The following FITM2 variants were observed in gnomAD, a reference collection of about 807,000 sequenced individuals.
FITM2 encodes the protein acyl-coenzyme A diphosphatase FITM2.
FITM2 carries 16 observed loss-of-function variants against 23.3 expected under a neutral mutation model. The observed-to-expected ratio is 0.69, with a 90% CI of 0.47 to 1.05. The LOEUF (loss-of-function observed/expected upper bound fraction) is 1.05. Ranked by LOEUF, FITM2 falls within the 50% of genes least tolerant of loss-of-function variation. FITM2 has a pLI of 0.00. For synonymous variants in FITM2, 132 were observed against 142.0 expected (o/e 0.93, Z 0.50); for missense variants, 273 against 327.5 (o/e 0.83, Z 1.29).
In FITM2 at chr20:44,306,365, G is replaced by T. The variant is rs2062689526; in HGVS notation, c.*260C>A. 4.8e-6 allele frequency: 2 copies of T among 415,558 alleles called. No homozygotes were observed. 25.7% of individuals were successfully genotyped at this position (415,558 alleles called of 1,614,324 possible). ...TTAGGTCCCCACTCTAGGGACAAAA[G>T]GAGTGTTCCAGATAAAGGTCAAGTC... On this transcript the variant is annotated 3_prime_UTR_variant, in exon 2 of 2. Transcript: ENST00000396825.
rs1395231882 is a variant in FITM2, at chr20:44,306,143, G to C, written c.*482C>G. On this transcript the variant is annotated 3_prime_UTR_variant, in exon 2 of 2. Transcript: ENST00000396825. ...CAATCTCAGGTGATCCGCCTGCCTC[G>C]GCCTCCCAAAGTGCAGGGATTAGAG... The C allele has an allele frequency of 6.2e-6, 1 of 160,226 alleles. No individual in the cohort carries two copies. The highest frequency in any genetic ancestry group is 2.4e-5 in the African/African-American group (1 of 41,452). The allele number at this position is 160,226 out of a possible 1,614,324, so 9.9% of individuals were successfully genotyped here. A position where few individuals can be genotyped will look rare whatever the true frequency, so the allele number is the denominator to read the frequency against.
In FITM2 at chr20:44,310,923, G is replaced by C. The variant is rs551813456; in HGVS notation, c.173+53C>G. 8 of 1,497,912 alleles carry C rather than the reference G, an allele frequency of 5.3e-6. No homozygotes were observed. In the East Asian group the frequency reaches 2.0e-4, roughly 38 times the overall value. The allele number at this position is 1,497,912 out of a possible 1,614,324, so 92.8% of individuals were successfully genotyped here. Reference sequence around the variant, plus strand: ...AGCTAGCACCGGCTTCTCTGGGCGAGGCGACAGCGGGCCGGCTCGGGCGGG... The same window carrying C: ...AGCTAGCACCGGCTTCTCTGGGCGACGCGACAGCGGGCCGGCTCGGGCGGG... On this transcript the variant is annotated intron_variant, in intron 1 of 1. Transcript: ENST00000396825.
At chr20:44,310,797 G>A (rs2146092665) in intron 1 of FITM2, among the ~76,000 whole-genome samples, 179 bp downstream of exon 1, 1 of 152,350 alleles carries the variant, frequency 6.6e-6, no homozygotes, top group South Asian at 2.1e-4. Flanking sequence ...AACTGCTAGT[G>A]ACACCAGCTA....
chr20:44,303,884 A>ATT lies in FITM2; in HGVS notation c.*2740_*2741insAA, dbSNP rs2062683246. ...TCCCATCTCAGCCTCCCAAAGTGCT[A>ATT]GGATTACAGGTGTGAGCCACCATGC... On this transcript the variant is annotated 3_prime_UTR_variant, in exon 2 of 2. Transcript: ENST00000396825. The ATT allele has an allele frequency of 6.6e-6, 1 of 152,042 alleles. No homozygotes were observed. The highest frequency in any genetic ancestry group is 2.4e-5 in the African/African-American group (1 of 41,392). The allele number at this position is 152,042 out of a possible 1,614,324, so 9.4% of individuals were successfully genotyped here.
rs2062692509 is a variant in FITM2, at chr20:44,307,091, G to A, written c.323C>T (p.Thr108Ile). ...LVGTAIWYICTSIFSNIEHYT... is the reference protein window; with the variant it reads ...LVGTAIWYICISIFSNIEHYT... ...GTGTTCGATGTTGGAGAAGATGGAGGTGCAGATGTACCAGATGGCCGTGCC... is the reference window on the plus strand; with the variant it reads ...GTGTTCGATGTTGGAGAAGATGGAGATGCAGATGTACCAGATGGCCGTGCC... Residue 108 changes from threonine to isoleucine, a missense_variant, in exon 2 of 2, where the codon ACC becomes ATC. By Grantham distance (89) the Thr-to-Ile change is moderately conservative (BLOSUM62 -1). Around this residue, in one of 3 missense-constraint regions of FITM2, gnomAD observed 117 missense variants for 183.3 expected, o/e 0.64. Coordinates refer to ENST00000396825, the MANE Select transcript of FITM2 (RefSeq NM_001080472.4). 2 of 1,614,190 alleles carry A rather than the reference G, an allele frequency of 1.2e-6. No individual in the cohort carries two copies. Among genetic ancestry groups the A allele is most frequent in the Non-Finnish European group, 8.5e-7 (1 of 1,180,038 alleles).
At chr20:44,310,584 C>G (rs1024401550) in intron 1 of FITM2, among the ~76,000 whole-genome samples, 1 of 152,156 alleles carries the variant, frequency 6.6e-6, no homozygotes, top group Middle Eastern at 3.2e-3. Context: ...CTGCCACAGG[C>G]AGGCAGGACA....
rs950203159 is a variant in FITM2 at position 44,305,015 on chromosome 20, A to G, written c.*1610T>C. On this transcript the variant is annotated 3_prime_UTR_variant, in exon 2 of 2. Transcript: ENST00000396825. ...CAGGATTATAGGTGTGAGCCACTAC[A>G]CCTGGCCCAGGTTTCATTGCTAACA... 2 of 152,096 alleles carry G rather than the reference A, an allele frequency of 1.3e-5. No homozygotes were observed. Among genetic ancestry groups the G allele is most frequent in the African/African-American group, 4.8e-5 (2 of 41,412 alleles). The allele number at this position is 152,096 out of a possible 1,614,324, so 9.4% of individuals were successfully genotyped here.
In FITM2 at chr20:44,306,903, A is replaced by C. The variant is rs2062691612; in HGVS notation, c.511T>G (p.Ser171Ala). Residue 171 changes from serine to alanine, a missense_variant, in exon 2 of 2, where the codon TCT becomes GCT. Ser to Ala is a moderately conservative substitution (Grantham distance 99). Transcript: ENST00000396825. ...FCALMIVEEMSVLHEVKTDRS... is the reference protein window; with the variant it reads ...FCALMIVEEMAVLHEVKTDRS... ...TCCGTCTTCACCTCATGCAGCACAGACATCTCTTCTACAATCATGAGGGCG... is the reference window on the plus strand; with the variant it reads ...TCCGTCTTCACCTCATGCAGCACAGCCATCTCTTCTACAATCATGAGGGCG... The C allele has an allele frequency of 6.2e-7, 1 of 1,614,152 alleles. No individual in the cohort carries two copies. The highest frequency in any genetic ancestry group is 1.3e-5 in the African/African-American group (1 of 75,042).
intron 1 of FITM2, 138 bp from the exon 2 acceptor site, chr20:44,307,378 T>C: frequency 1.1e-6 from 1 of 942,260 alleles, no homozygotes; most frequent in Non-Finnish European, 1.6e-6. Flanking sequence ...AACTATCATG[T>C]TTTAGGTACT....
At chr20:44,307,394 T>C (rs1221415769) in intron 1 of FITM2, among the ~76,000 whole-genome samples, 154 bp from the exon 2 acceptor site, 1 of 152,214 alleles carries the variant, frequency 6.6e-6, no homozygotes, top group East Asian at 1.9e-4. Flanking sequence ...GTACTTACCA[T>C]ATACTTCACT....
intron 1 of FITM2, 96 bp from the exon 2 acceptor site, chr20:44,307,336 T>C: frequency 1.4e-6 from 2 of 1,445,812 alleles, no homozygotes; most frequent in South Asian, 2.7e-5. Flanking sequence ...GGAGGGAAAA[T>C]GAGAAAACTG....
chr20:44,310,889 C>T (rs1031419445), intron 1 of FITM2, 87 bp downstream of exon 1: 22 of 1,462,760 alleles, frequency 1.5e-5, no homozygotes, highest in Non-Finnish European at 1.8e-5. Context: ...ATGACTCGTC[C>T]ACCACGGCAG....
At position 44,303,159 on chromosome 20, in the gene FITM2, T is replaced by C. The variant is rs1198317589; in HGVS notation, c.*3466A>G. On this transcript the variant is annotated 3_prime_UTR_variant, in exon 2 of 2. Coordinates refer to ENST00000396825, the MANE Select transcript of FITM2 (RefSeq NM_001080472.4). Reference sequence around the variant, plus strand: ...CGTTTCTCTGCCTTCTCTAGAGGAGTCAGAAAGTTCTAAAGGCTTACTCAA... The same window carrying C: ...CGTTTCTCTGCCTTCTCTAGAGGAGCCAGAAAGTTCTAAAGGCTTACTCAA... 3 of 151,818 alleles carry C rather than the reference T, an allele frequency of 2.0e-5. No homozygotes were observed. The allele number at this position is 151,818 out of a possible 1,614,324, so 9.4% of individuals were successfully genotyped here.
chr20:44,309,607 C>T (rs1347132482), intron 1 of FITM2, among the ~76,000 whole-genome samples: 6 of 152,222 alleles, frequency 3.9e-5, no homozygotes, highest in African/African-American at 1.4e-4. Flanking sequence ...TACCTCCTAC[C>T]TTTCCAGGCC....
At position 44,304,408 on chromosome 20, in the gene FITM2, G is replaced by A. The variant is rs2062684488; in HGVS notation, c.*2217C>T. The stretch of plus-strand genomic sequence containing the variant: ...TGGAACTGTGCCTTTGTGGATGGAG[G>A]TGACAGGATTTCTAACCCTTCCCAG... On this transcript the variant is annotated 3_prime_UTR_variant, in exon 2 of 2. Transcript: ENST00000396825. 1 of 152,184 alleles carries A rather than the reference G, an allele frequency of 6.6e-6. No individual in the cohort carries two copies. Among genetic ancestry groups the A allele is most frequent in the South Asian group, 2.1e-4 (1 of 4,826 alleles). The allele number at this position is 152,184 out of a possible 1,614,324, so 9.4% of individuals were successfully genotyped here.
intron 1 of FITM2, among the ~76,000 whole-genome samples, chr20:44,310,367 A>T (rs1338034086): frequency 6.6e-6 from 1 of 152,206 alleles, no homozygotes; most frequent in African/African-American, 2.4e-5. Context: ...TTTCTGGGCC[A>T]CTGCCATGCA....
At chr20:44,309,592 T>G (rs75790162) in intron 1 of FITM2, among the ~76,000 whole-genome samples, 4,568 of 152,306 alleles carry the variant, frequency 0.03, 206 homozygotes, top group African/African-American at 0.1. Flanking sequence ...TTACTTAACT[T>G]ACTATACCTC....
At chr20:44,309,058 G>A (rs544109504) in intron 1 of FITM2, among the ~76,000 whole-genome samples, 6 of 149,454 alleles carry the variant, frequency 4.0e-5, no homozygotes, top group South Asian at 2.1e-4. Context: ...GCAGTGGCAC[G>A]ATCTCGGCTC....
In FITM2 at chr20:44,311,177, C is replaced by G. The variant is rs199527707; in HGVS notation, c.-29G>C. 5.9e-5 allele frequency: 94 copies of G among 1,598,018 alleles called. No individual in the cohort carries two copies. In the East Asian group the frequency reaches 2.1e-3, roughly 36 times the overall value. ...GGATCTCGTCAGCCACCGTCCTCCT[C>G]TCCGTGCCCTCTCGGCCACCGTATC... On this transcript the variant is annotated 5_prime_UTR_variant, in exon 1 of 2. Coordinates refer to ENST00000396825, the MANE Select transcript of FITM2 (RefSeq NM_001080472.4).
Sources: allele counts gnomAD v4.1 joint callset (sites outside exome capture counted in the v4.1 genomes callset), GRCh38; gene constraint gnomAD v4.1.1; regional missense constraint gnomAD v4.1.1; transcripts MANE v1.5; gene names NCBI Gene and HGNC (gene_info 2026-07-23, HGNC 2026-07-21).